HSPA9: variants seen among roughly 807,000 people sequenced by gnomAD.
HSPA9 encodes heat shock protein family A (Hsp70) member 9.
HSPA9 carries 28 observed loss-of-function variants against 81.5 expected under a neutral mutation model. The observed-to-expected ratio is 0.34, with a 90% confidence interval of 0.25 to 0.47. HSPA9 has a LOEUF of 0.47. Among genes scored for constraint, HSPA9 ranks in the 20% least tolerant of loss-of-function variants. The pLI is 1.00. For synonymous variants in HSPA9, 293 were observed against 290.4 expected, an observed-to-expected ratio of 1.01 and a Z score of -0.09; for missense variants, 678 against 838.0, an observed-to-expected ratio of 0.81 and a Z score of 2.36.
At position 138,554,728 on chromosome 5, in the gene HSPA9, CAT is replaced by C. The variant is rs1750483893; in HGVS notation, c.*1307_*1308del. On this transcript the variant is annotated 3_prime_UTR_variant, in exon 17 of 17. Coordinates refer to ENST00000297185, the MANE Select transcript of HSPA9 (RefSeq NM_004134.7). ...TGGCATATGACATTCATCCATGAAA[CAT>C]AAGGGAAATGTGCTGGAAGACTTTT... Among the ~76,000 whole-genome samples, 1 of 152,118 alleles carries C rather than the reference CAT, an allele frequency of 6.6e-6. No individual in the cohort carries two copies. Among genetic ancestry groups the C allele is most frequent in the East Asian group, 1.9e-4 (1 of 5,198 alleles).
intron 5 of HSPA9, 60 bp downstream of exon 5, chr5:138,568,865 G>T: frequency 2.5e-6 from 4 of 1,574,492 alleles, no homozygotes; most frequent in Non-Finnish European, 3.5e-6. Context: ...CAGGGAGCTA[G>T]TGATCTCACA....
Position 138,575,255 on chromosome 5 carries a change from T to G in HSPA9, c.64A>C (p.Thr22Pro). ...LVGAAASRGPTAARHQDSWNG... is the reference protein window; with the variant it reads ...LVGAAASRGPPAARHQDSWNG... ...TTCCTCACCTGGTGGCGGGCGGCCG[T>G]AGGGCCCCGGGAGGCTGCGGCGCCC... Residue 22 changes from threonine (T) to proline (P), a missense_variant, in exon 1 of 17, where the codon ACG (threonine) becomes CCG (proline). Physicochemically the swap from Thr to Pro is conservative, Grantham distance 38. Coordinates refer to ENST00000297185, the MANE Select transcript of HSPA9 (RefSeq NM_004134.7). 6.2e-7 allele frequency: 1 copy of G among 1,607,780 alleles called. No individual in the cohort carries two copies. The highest frequency in any genetic ancestry group is 8.5e-7 in the Non-Finnish European group (1 of 1,177,962).
intron 13 of HSPA9, 92 bp from the exon 14 acceptor site, chr5:138,557,588 A>G: frequency 1.2e-6 from 1 of 828,852 alleles, no homozygotes; most frequent in South Asian, 1.4e-5. Flanking sequence ...TGCTCATAGC[A>G]GCCAATCTTG....
intron 8 of HSPA9, 44 bp downstream of exon 8, chr5:138,566,957 C>G: frequency 6.3e-7 from 1 of 1,588,866 alleles, no homozygotes; most frequent in Non-Finnish European, 8.6e-7. Context: ...CAAAGAATTT[C>G]TCAATATCCC....
rs778511532 is a variant in HSPA9 at position 138,553,826 on chromosome 5, TTG to T, written c.*2209_*2210del. ...TGATGCCATTTAACGGGTTAAACATTTGTCTCTCTCCAGAAGAGATTAGTATT... is the reference window on the plus strand; with the variant it reads ...TGATGCCATTTAACGGGTTAAACATTTCTCTCTCCAGAAGAGATTAGTATT... On this transcript the variant is annotated 3_prime_UTR_variant, in exon 17 of 17. Transcript: ENST00000297185. Among the ~76,000 whole-genome samples the T allele has an allele frequency of 1.5e-3, 223 of 152,206 alleles. 6 individuals are homozygous for T. Among genetic ancestry groups the T allele is most frequent in the Admixed American group, 9.8e-4 (15 of 15,280 alleles).
rs1298424549 is a variant in HSPA9 at position 138,554,710 on chromosome 5, T to A, written c.*1327A>T. 6.6e-6 allele frequency among the ~76,000 whole-genome samples: 1 copy of A among 152,260 alleles called. No individual in the cohort carries two copies. The highest frequency in any genetic ancestry group is 2.4e-5 in the African/African-American group (1 of 41,474). On this transcript the variant is annotated 3_prime_UTR_variant, in exon 17 of 17. Coordinates refer to ENST00000297185, the MANE Select transcript of HSPA9 (RefSeq NM_004134.7). ...AACAGACTCTTTTGAACATGGCATA[T>A]GACATTCATCCATGAAACATAAGGG... is the stretch of plus-strand genomic sequence containing the variant.
intron 9 of HSPA9, among the ~76,000 whole-genome samples, chr5:138,565,154 C>A (rs1183267178): frequency 6.6e-6 from 1 of 152,170 alleles, no homozygotes; most frequent in African/African-American, 2.4e-5. Context: ...CAATAGGATG[C>A]AGCCACACTA....
At chr5:138,568,429 C>T (rs149709987) in intron 5 of HSPA9, among the ~76,000 whole-genome samples, 247 of 152,250 alleles carry the variant, frequency 1.6e-3, no homozygotes, top group Middle Eastern at 6.8e-3. Flanking sequence ...ATCGCTTGAA[C>T]CCGGGAGGCG....
Position 138,567,509 on chromosome 5 carries a change from T to C in HSPA9, c.662A>G (p.Asn221Ser), listed in dbSNP as rs1750791523. 17 of 1,614,220 alleles carry C rather than the reference T, an allele frequency of 1.1e-5. No individual in the cohort carries two copies. Among genetic ancestry groups the C allele is most frequent in the Non-Finnish European group, 1.4e-5 (17 of 1,180,006 alleles). ...GGCAAGAGCAGCAGCTGTGGGCTCA[T>C]TAATCACCCGAAGCACATTCAGTCC... ...ISGLNVLRVI[N>S]EPTAAALAYG... Residue 221 changes from asparagine (N) to serine (S), a missense_variant, in exon 7 of 17, where the codon AAT (asparagine) becomes AGT (serine). Transcript: ENST00000297185.
chr5:138,567,178 TG>T lies in HSPA9; in HGVS notation c.717-16del, dbSNP rs1750785687. The T allele has an allele frequency of 6.5e-7, 1 of 1,543,636 alleles. No homozygotes were observed. The highest frequency in any genetic ancestry group is 8.7e-7 in the Non-Finnish European group (1 of 1,154,806). ...ATACAGCAATGCTGTAAATGATTTGTGAAAAAAAAAAGAAAAGAAATCCTTA... is the reference window on the plus strand; with the variant it reads ...ATACAGCAATGCTGTAAATGATTTGTAAAAAAAAAAGAAAAGAAATCCTTA... On this transcript the variant is annotated splice_polypyrimidine_tract_variant and intron_variant, in intron 7 of 16. Transcript: ENST00000297185.
chr5:138,573,981 TAC>T, intron 2 of HSPA9, 85 bp downstream of exon 2: 6 of 1,253,128 alleles, frequency 4.8e-6, no homozygotes, highest in South Asian at 2.5e-5. Context: ...GATAAATAAT[TAC>T]AGAGAAGAAT....
At chr5:138,559,214 A>G (rs1750598715) in intron 11 of HSPA9, among the ~76,000 whole-genome samples, 1 of 151,344 alleles carries the variant, frequency 6.6e-6, no homozygotes, top group African/African-American at 2.4e-5. Context: ...CAAGTGATCC[A>G]CCCACCTCAG....
intron 9 of HSPA9, among the ~76,000 whole-genome samples, chr5:138,564,388 G>GC (rs1341519428): frequency 6.6e-6 from 1 of 152,206 alleles, no homozygotes; most frequent in Non-Finnish European, 1.5e-5. Flanking sequence ...ACAGATGTGA[G>GC]CCACTGCGTG....
Position 138,554,291 on chromosome 5 carries a change from T to C in HSPA9, c.*1746A>G, listed in dbSNP as rs1282274709. On this transcript the variant is annotated 3_prime_UTR_variant, in exon 17 of 17. Transcript: ENST00000297185. ...TGAATCTTGACTAGCATTAAGCCAG[T>C]AGTTCTCAACTGGAGTACTTTGGAA... 1.3e-5 allele frequency among the ~76,000 whole-genome samples: 2 copies of C among 152,230 alleles called. No individual in the cohort carries two copies. Among genetic ancestry groups the C allele is most frequent in the Non-Finnish European group, 2.9e-5 (2 of 68,046 alleles).
At position 138,566,607 on chromosome 5, in the gene HSPA9, C is replaced by T. The variant is rs765826281; in HGVS notation, c.972+19G>A. 9 of 1,560,514 alleles carry T rather than the reference C, an allele frequency of 5.8e-6. No individual in the cohort carries two copies. The highest frequency in any genetic ancestry group is 3.3e-5 in the South Asian group (3 of 89,718). The stretch of plus-strand genomic sequence containing the variant: ...GCTGAAAATATCCATCAAGACTGCT[C>T]GAATTTTCCGTGTCTCACCTGCACA... On this transcript the variant is annotated intron_variant, in intron 9 of 16. Coordinates refer to ENST00000297185, the MANE Select transcript of HSPA9 (RefSeq NM_004134.7).
At chr5:138,568,866 TG>T in intron 5 of HSPA9, 58 bp downstream of exon 5, 1 of 1,579,698 alleles carries the variant, frequency 6.3e-7, no homozygotes, top group Non-Finnish European at 8.7e-7. Flanking sequence ...AGGGAGCTAG[TG>T]ATCTCACAGG....
intron 12 of HSPA9, 33 bp downstream of exon 12, chr5:138,558,520 G>A: frequency 7.9e-7 from 1 of 1,267,426 alleles, no homozygotes; most frequent in Non-Finnish European, 1.2e-6. Context: ...TACAGTGAAG[G>A]AGGCATAGTA....
At chr5:138,564,592 G>A (rs887484934) in intron 9 of HSPA9, among the ~76,000 whole-genome samples, 4 of 152,070 alleles carry the variant, frequency 2.6e-5, no homozygotes, top group African/African-American at 7.2e-5. Flanking sequence ...GTAGAGACGG[G>A]GGTTCTCACT....
rs778137825 is a variant in HSPA9, at chr5:138,575,352, A to G, written c.-34T>C. 13 of 1,561,788 alleles carry G rather than the reference A, an allele frequency of 8.3e-6. No homozygotes were observed. In the Admixed American group the frequency reaches 1.4e-4, roughly 16 times the overall value. On this transcript the variant is annotated 5_prime_UTR_variant, in exon 1 of 17. Transcript: ENST00000297185. ...AATGGAGGAGTACGAGGCAGCAAAC[A>G]AGCGCTCCGACGGCAAAGAGCTGCG... is the stretch of plus-strand genomic sequence containing the variant.
Sources: allele counts gnomAD v4.1 joint callset (sites outside exome capture counted in the v4.1 genomes callset), GRCh38; gene constraint gnomAD v4.1.1; transcripts MANE v1.5; gene names NCBI Gene and HGNC (gene_info 2026-07-23, HGNC 2026-07-21).